TKT: variants seen among roughly 807,000 people sequenced by gnomAD.
TKT encodes epididymis luminal protein 107.
A neutral mutation model predicts 63.9 loss-of-function variants in TKT; 47 were observed. That is an observed-to-expected ratio of 0.74 (90% CI 0.58 to 0.94). TKT has a LOEUF of 0.94. TKT is among the 40% of genes least tolerant of loss of function. The pLI is 0.00. For synonymous variants in TKT, 338 were observed against 334.1 expected (o/e 1.01, Z -0.13); for missense variants, 721 against 846.2 (o/e 0.85, Z 1.84).
Position 53,231,376 on chromosome 3 carries a change from C to T in TKT, c.923G>A (p.Ser308Asn). 1 of 1,613,588 alleles carries T rather than the reference C, an allele frequency of 6.2e-7. No individual in the cohort carries two copies. The stretch of plus-strand genomic sequence containing the variant: ...TTGTACCTTGTCCCCAACTTTGTAG[C>T]TGGGCAGGCTGGGCATGCGGATGTT... Reference protein sequence around the residue: ...IANIRMPSLPSYKVGDKIATR... With the variant: ...IANIRMPSLPNYKVGDKIATR... The change falls in exon 7 of 14, where the codon AGC becomes AAC. Residue 308 changes from serine to asparagine, a missense_variant. Coordinates refer to ENST00000462138, the MANE Select transcript of TKT (RefSeq NM_001064.4).
At chr3:53,239,653 G>A (rs889364513) in intron 4 of TKT, among the ~76,000 whole-genome samples, 3 of 151,990 alleles carry the variant, frequency 2.0e-5, no homozygotes, top group African/African-American at 4.8e-5. Flanking sequence ...CTGGGGGGCC[G>A]TTCCTACAAA....
Position 53,229,367 on chromosome 3 carries a change from A to T in TKT, c.1177T>A (p.Phe393Ile). ...CGAATCTGGTCAAAGGCCCGCGTGA[A>T]GAAGGCTGCAAAAGTGCTGCAGAAG... ...VPFCSTFAAF[F>I]TRAFDQIRMA... Residue 393 changes from phenylalanine to isoleucine, a missense_variant, in exon 9 of 14, where the codon TTC becomes ATC. Physicochemically the swap from Phe to Ile is conservative, Grantham distance 21. Coordinates refer to ENST00000462138, the MANE Select transcript of TKT (RefSeq NM_001064.4). The T allele has an allele frequency of 6.2e-7, 1 of 1,613,578 alleles. No homozygotes were observed. Among genetic ancestry groups the T allele is most frequent in the Non-Finnish European group, 8.5e-7 (1 of 1,179,792 alleles).
chr3:53,228,518 G>A (rs947103222), intron 10 of TKT, among the ~76,000 whole-genome samples, 159 bp from the exon 11 acceptor site: 6 of 152,122 alleles, frequency 3.9e-5, no homozygotes, highest in African/African-American at 4.8e-5. Context: ...TCTGCCGCCC[G>A]CACCCCACTT....
Position 53,241,185 on chromosome 3 carries a change from C to A in TKT, c.286G>T (p.Glu96Ter). 6.3e-7 allele frequency: 1 copy of A among 1,597,444 alleles called. No homozygotes were observed. Among genetic ancestry groups the A allele is most frequent in the South Asian group, 1.1e-5 (1 of 88,614 alleles). Residue 96 changes from glutamate to a stop codon, truncating the protein, a stop_gained, in exon 3 of 14, where the codon GAG becomes TAG. Coordinates refer to ENST00000462138, the MANE Select transcript of TKT (RefSeq NM_001064.4). LOFTEE classifies it high-confidence loss of function. ...WAEAGFLAEA[E>*]LLNLRKISSD... ...CTGATCTTCCTCAGGTTCAGCAGCT[C>A]CGCCTCGGCCAGGAAACCAGCTTCA... is the stretch of plus-strand genomic sequence containing the variant.
intron 3 of TKT, among the ~76,000 whole-genome samples, chr3:53,240,739 G>T (rs929437070): frequency 6.6e-6 from 1 of 152,216 alleles, no homozygotes. Context: ...CGTTTGCAGG[G>T]ATGCCAGATG....
intron 1 of TKT, among the ~76,000 whole-genome samples, chr3:53,243,843 C>A (rs79453591): frequency 0.046 from 7,001 of 152,252 alleles, 197 homozygotes; most frequent in Non-Finnish European, 0.062. Context: ...GCCATGGTCC[C>A]ATTAGGAGGG....
chr3:53,228,051 C>A lies in TKT; in HGVS notation c.1573+5G>T. On this transcript the variant is annotated splice_donor_5th_base_variant and intron_variant, in intron 12 of 13. Coordinates refer to ENST00000462138, the MANE Select transcript of TKT (RefSeq NM_001064.4). ...TTGATGACTTTGGAGGCCCCTTCTC[C>A]TCACCTTTCTTCAGCAGTTCGGCAG... 1 of 1,612,234 alleles carries A rather than the reference C, an allele frequency of 6.2e-7. No homozygotes were observed.
chr3:53,235,196 G>C, intron 4 of TKT, 22 bp from the exon 5 acceptor site: 1 of 1,589,338 alleles, frequency 6.3e-7, no homozygotes, highest in South Asian at 1.1e-5. Context: ...GAGTGAATCA[G>C]GCCAGTCCCT....
intron 1 of TKT, among the ~76,000 whole-genome samples, chr3:53,244,759 G>T (rs1705433585): frequency 6.6e-6 from 1 of 152,044 alleles, no homozygotes; most frequent in Admixed American, 6.6e-5. Flanking sequence ...CCGTGGTGCT[G>T]TGTGTGACAA....
intron 4 of TKT, among the ~76,000 whole-genome samples, chr3:53,239,134 C>T (rs953479642): frequency 2.0e-5 from 3 of 152,092 alleles, no homozygotes; most frequent in South Asian, 2.1e-4. Context: ...TCTTTGCCTG[C>T]GCCTTCCACA....
intron 13 of TKT, 122 bp from the exon 14 acceptor site, chr3:53,226,053 G>A (rs1704485795): frequency 1.2e-6 from 1 of 843,840 alleles, no homozygotes; most frequent in Non-Finnish European, 1.8e-6. Flanking sequence ...TTCTCCACCT[G>A]TAGCCATGAG....
Position 53,233,225 on chromosome 3 carries a change from C to T in TKT, c.679G>A (p.Ala227Thr). The T allele has an allele frequency of 2.5e-6, 4 of 1,613,778 alleles. No homozygotes were observed. Among genetic ancestry groups the T allele is most frequent in the Non-Finnish European group, 3.4e-6 (4 of 1,179,894 alleles). ...GGCTGGTGCTTGGCCTGGCCAAAGG[C>T]CTTGCACAGCTCCTCCACGCTGTGT... ...DGHSVEELCK[A>T]FGQAKHQPTA... Residue 227 changes from alanine (A) to threonine (T), a missense_variant, in exon 6 of 14, where the codon GCC becomes ACC. Ala to Thr is a moderately conservative substitution (Grantham distance 58, BLOSUM62 0). Coordinates refer to ENST00000462138, the MANE Select transcript of TKT (RefSeq NM_001064.4).
Position 53,235,230 on chromosome 3 carries a change from C to G in TKT, c.438-56G>C, listed in dbSNP as rs1411697370. On this transcript the variant is annotated intron_variant, in intron 4 of 13. Coordinates refer to ENST00000462138, the MANE Select transcript of TKT (RefSeq NM_001064.4). ...CTCTCACCTGGACCCAGCTGGCTCC[C>G]ACCCCCCCACCCATCCAAGGAGCCT... 2.3e-6 allele frequency: 3 copies of G among 1,313,318 alleles called. No individual in the cohort carries two copies. In the East Asian group the frequency reaches 1.1e-4, roughly 49 times the overall value. The allele number at this position is 1,313,318 out of a possible 1,614,324, so 81.4% of individuals were successfully genotyped here. A position where few individuals can be genotyped will look rare whatever the true frequency, so the allele number is the denominator to read the frequency against.
chr3:53,255,659 A>C (rs1008221554), intron 1 of TKT, among the ~76,000 whole-genome samples, 177 bp downstream of exon 1: 1 of 151,934 alleles, frequency 6.6e-6, no homozygotes, highest in Non-Finnish European at 1.5e-5. Flanking sequence ...GGCGCAGCGG[A>C]AGCCGCCTGC....
intron 1 of TKT, among the ~76,000 whole-genome samples, chr3:53,255,466 G>A (rs1384649715): frequency 1.3e-5 from 2 of 152,214 alleles, no homozygotes; most frequent in Non-Finnish European, 2.9e-5. Flanking sequence ...GCCGCGTTCT[G>A]TAGAACAGCA....
chr3:53,235,124 A>G lies in TKT; in HGVS notation c.488T>C (p.Val163Ala). The change falls in exon 5 of 14, where the codon GTA (valine) becomes GCA (alanine). Residue 163 changes from valine (V) to alanine (A), a missense_variant. Val to Ala is a moderately conservative substitution (Grantham distance 64). Coordinates refer to ENST00000462138, the MANE Select transcript of TKT (RefSeq NM_001064.4). ...LGDGELSEGS[V>A]WEAMAFASIY... Reference sequence around the variant, plus strand: ...GCTGGCGAAGGCCATGGCCTCCCATACAGAGCCCTCTGACAGCTCCCCGTC... The same window carrying G: ...GCTGGCGAAGGCCATGGCCTCCCATGCAGAGCCCTCTGACAGCTCCCCGTC... 1.2e-6 allele frequency: 2 copies of G among 1,613,594 alleles called. No homozygotes were observed. The highest frequency in any genetic ancestry group is 1.7e-6 in the Non-Finnish European group (2 of 1,179,930).
chr3:53,233,325 C>T (rs782239407), intron 5 of TKT, 51 bp from the exon 6 acceptor site: 18 of 1,463,470 alleles, frequency 1.2e-5, no homozygotes, highest in Admixed American at 5.9e-5. Flanking sequence ...GCCACAACAC[C>T]GAGGAGCCTT....
At chr3:53,241,055 C>G in intron 3 of TKT, 77 bp downstream of exon 3, 1 of 1,300,816 alleles carries the variant, frequency 7.7e-7, no homozygotes, top group Non-Finnish European at 1.0e-6. Context: ...CAGTGGGCAC[C>G]CCCTACCCCC....
intron 13 of TKT, 133 bp downstream of exon 13, chr3:53,226,623 G>A: frequency 7.5e-7 from 1 of 1,338,594 alleles, no homozygotes; most frequent in Non-Finnish European, 1.0e-6. Context: ...CCACGTCCCA[G>A]CTGCTCTGAG....
Sources: gnomAD v4.1 joint callset for allele counts (sites outside exome capture counted in the v4.1 genomes callset) on GRCh38, gnomAD v4.1.1 for gene constraint, MANE v1.5 for transcripts, NCBI Gene and HGNC (gene_info 2026-07-23, HGNC 2026-07-21) for gene names.